CDCA7: variants seen among roughly 807,000 people sequenced by gnomAD.
CDCA7 encodes cell division cycle-associated protein 7.
A neutral mutation model predicts 54.0 loss-of-function variants in CDCA7; 28 were observed. That is an observed-to-expected ratio of 0.52 (90% CI 0.38 to 0.71). The LOEUF (loss-of-function observed/expected upper bound fraction) is 0.71, where lower values mean the gene tolerates loss of function less well. Among genes scored for constraint, CDCA7 ranks in the 30% least tolerant of loss-of-function variants. CDCA7 has a pLI of 0.00. For missense variants in CDCA7, 484 were observed against 586.0 expected (o/e 0.83, Z 1.80); for synonymous variants, 180 against 208.2 (o/e 0.86, Z 1.16).
intron 5 of CDCA7, 134 bp downstream of exon 5, chr2:173,364,029 C>T: frequency 1.4e-6 from 1 of 732,580 alleles, no homozygotes; most frequent in South Asian, 1.9e-5. Context: ...AGGAAACCCC[C>T]TGACAGATCT....
intron 6 of CDCA7, among the ~76,000 whole-genome samples, chr2:173,365,245 TG>T (rs796296598): frequency 3.9e-5 from 6 of 152,326 alleles, no homozygotes; most frequent in African/African-American, 1.4e-4. Context: ...AGTAAGCGTA[TG>T]GCCTGTTCCC....
chr2:173,359,377 ATT>A lies in CDCA7; in HGVS notation c.274_275del (p.Leu92ThrfsTer9). 6.2e-7 allele frequency: 1 copy of A among 1,614,078 alleles called. No individual in the cohort carries two copies. Among genetic ancestry groups the A allele is most frequent in the Non-Finnish European group, 8.5e-7 (1 of 1,180,028 alleles). On this transcript the variant is annotated frameshift_variant, in exon 3 of 10. Transcript: ENST00000306721. LOFTEE classifies it high-confidence loss of function. Reference protein sequence around the residue: ...EVQDVLDHCGFLQKPRPDVTN... With the variant: ...EVQDVLDHCGXLQKPRPDVTN... ...TGCAAGATGTATTAGACCATTGTGG[ATT>A]TTTACAGAAACCAAGGCCAGATGTC...
In CDCA7 at chr2:173,368,672, C is replaced by T. The variant is rs1367087823; in HGVS notation, c.*1008C>T. On this transcript the variant is annotated 3_prime_UTR_variant, in exon 10 of 10. Transcript: ENST00000306721. ...CCTGACATCTCTGCCAGTCTAGTTTCTGGGCAGGTTTCCTGTGTCAGTATT... is the reference window on the plus strand; with the variant it reads ...CCTGACATCTCTGCCAGTCTAGTTTTTGGGCAGGTTTCCTGTGTCAGTATT... 1 of 152,126 alleles carries T rather than the reference C, an allele frequency of 6.6e-6. No individual in the cohort carries two copies. Among genetic ancestry groups the T allele is most frequent in the Non-Finnish European group, 1.5e-5 (1 of 68,032 alleles). 9.4% of individuals were successfully genotyped at this position (152,126 alleles called of 1,614,324 possible).
At chr2:173,364,143 C>G (rs1327435261) in intron 5 of CDCA7, 2 of 376,040 alleles carry the variant, frequency 5.3e-6, no homozygotes, top group Non-Finnish European at 9.4e-6. Flanking sequence ...CCCAGCTAGA[C>G]TAAGCCCCTC....
intron 8 of CDCA7, 116 bp from the exon 9 acceptor site, chr2:173,367,034 A>C: frequency 7.2e-7 from 1 of 1,391,018 alleles, no homozygotes; most frequent in Non-Finnish European, 9.8e-7. Context: ...GGCATGACTA[A>C]TGCCTATTAA....
chr2:173,364,579 G>A lies in CDCA7; in HGVS notation c.700-216G>A, dbSNP rs922966998. The A allele has an allele frequency of 1.1e-5, 5 of 445,230 alleles. No homozygotes were observed. The South Asian group carries it at 1.4e-4, about 12-fold the overall frequency. The allele number at this position is 445,230 out of a possible 1,614,324, so 27.6% of individuals were successfully genotyped here. A position where few individuals can be genotyped will look rare whatever the true frequency, so the allele number is the denominator to read the frequency against. On this transcript the variant is annotated intron_variant, in intron 5 of 9. Coordinates refer to ENST00000306721, the MANE Select transcript of CDCA7 (RefSeq NM_031942.5). ...AAAGAATAAATAGCTCATCTCTCAAGTTGAAAGAAACTGGGCTTGGTATTA... is the reference window on the plus strand; with the variant it reads ...AAAGAATAAATAGCTCATCTCTCAAATTGAAAGAAACTGGGCTTGGTATTA...
In CDCA7 at chr2:173,365,186, ATC is replaced by A. The variant is rs373671271; in HGVS notation, c.894+201_894+202del. Among the ~76,000 whole-genome samples, 459 of 152,316 alleles carry A rather than the reference ATC, an allele frequency of 3.0e-3. 5 individuals carry two copies. The highest frequency in any genetic ancestry group is 0.01 in the African/African-American group (424 of 41,570). On this transcript the variant is annotated intron_variant, in intron 6 of 9. Transcript: ENST00000306721. Reference sequence around the variant, plus strand: ...AGCAGGCGAGAATTGGGTTTTCTTCATCTCTTCTTAATTGTAGGCATCGTTTC... The same window carrying A: ...AGCAGGCGAGAATTGGGTTTTCTTCATCTTCTTAATTGTAGGCATCGTTTC...
rs1686749651 is a variant in CDCA7 at position 173,367,694 on chromosome 2, C to G, written c.*30C>G. 1.2e-6 allele frequency: 2 copies of G among 1,612,046 alleles called. No individual in the cohort carries two copies. Among genetic ancestry groups the G allele is most frequent in the African/African-American group, 2.7e-5 (2 of 75,002 alleles). Reference sequence around the variant, plus strand: ...TGGAAAATTTGCTGCCTGCCTTCTACTTCTCAAATCTTTCTTGTAAAAGTT... The same window carrying G: ...TGGAAAATTTGCTGCCTGCCTTCTAGTTCTCAAATCTTTCTTGTAAAAGTT... On this transcript the variant is annotated 3_prime_UTR_variant, in exon 10 of 10. Transcript: ENST00000306721.
chr2:173,365,527 A>G lies in CDCA7; in HGVS notation c.970A>G (p.Ile324Val). The G allele has an allele frequency of 6.2e-7, 1 of 1,614,222 alleles. No homozygotes were observed. The highest frequency in any genetic ancestry group is 1.3e-5 in the African/African-American group (1 of 75,062). The change falls in exon 7 of 10, where the codon ATT (isoleucine) becomes GTT (valine). Residue 324 changes from isoleucine (I) to valine (V), a missense_variant. Physicochemically the swap from Ile to Val is conservative, Grantham distance 29 (BLOSUM62 3). Transcript: ENST00000306721. The part of the protein sequence containing the change: ...LPHIIRPVEE[I>V]TEEELENVCS... Reference sequence around the variant, plus strand: ...GCATATAATTCGCCCAGTGGAAGAAATTACAGAGGAGGAGTTGGAGAACGT... The same window carrying G: ...GCATATAATTCGCCCAGTGGAAGAAGTTACAGAGGAGGAGTTGGAGAACGT...
At chr2:173,365,678 A>G (rs1184574847) in intron 7 of CDCA7, 86 bp downstream of exon 7, 4 of 1,433,972 alleles carry the variant, frequency 2.8e-6, no homozygotes, top group Non-Finnish European at 3.8e-6. Context: ...CAGGTTCTAA[A>G]GGGCCTAGCA....
chr2:173,364,569 C>A, intron 5 of CDCA7: 1 of 424,288 alleles, frequency 2.4e-6, no homozygotes, highest in Non-Finnish European at 3.9e-6. Context: ...ATAAATAGCT[C>A]ATCTCTCAAG....
intron 9 of CDCA7, 65 bp from the exon 10 acceptor site, chr2:173,367,569 G>T (rs943229110): frequency 1.3e-6 from 2 of 1,576,436 alleles, no homozygotes; most frequent in African/African-American, 1.4e-5. Flanking sequence ...AATGAATTAG[G>T]CTTTCAAAAG....
chr2:173,365,345 C>T, intron 6 of CDCA7, 107 bp from the exon 7 acceptor site: 1 of 1,252,256 alleles, frequency 8.0e-7, no homozygotes, highest in Admixed American at 2.4e-5. Context: ...CTGGGGAGAG[C>T]CAGTTTTGAA....
Position 173,367,801 on chromosome 2 carries a change from G to A in CDCA7, c.*137G>A. 1 of 936,148 alleles carries A rather than the reference G, an allele frequency of 1.1e-6. No homozygotes were observed. Among genetic ancestry groups the A allele is most frequent in the Non-Finnish European group, 1.7e-6 (1 of 578,940 alleles). 58.0% of individuals were successfully genotyped at this position (936,148 alleles called of 1,614,324 possible). A position where few individuals can be genotyped will look rare whatever the true frequency, so the allele number is the denominator to read the frequency against. ...AGAAACTCCAATCAAGTTAATCTTA[G>A]CAGACATGTGTTTCTGGAGCATCAC... On this transcript the variant is annotated 3_prime_UTR_variant, in exon 10 of 10. Transcript: ENST00000306721.
In CDCA7 at chr2:173,365,512, C is replaced by T. The variant is rs775525324; in HGVS notation, c.955C>T (p.Arg319Cys). Residue 319 changes from arginine to cysteine, a missense_variant, in exon 7 of 10, where the codon CGC becomes TGC. This residue lies in a region of CDCA7 where 398 missense variants were observed against 447.4 expected (regional missense o/e 0.89). Transcript: ENST00000306721. ...ATCCGTGACCCTTCCGCATATAATTCGCCCAGTGGAAGAAATTACAGAGGA... is the reference window on the plus strand; with the variant it reads ...ATCCGTGACCCTTCCGCATATAATTTGCCCAGTGGAAGAAATTACAGAGGA... ...RSSVTLPHIIRPVEEITEEEL... is the reference protein window; with the variant it reads ...RSSVTLPHIICPVEEITEEEL... 2.8e-5 allele frequency: 45 copies of T among 1,614,024 alleles called. No homozygotes were observed. The Admixed American group carries it at 6.5e-4, about 23-fold the overall frequency.
rs748039695 is a variant in CDCA7, at chr2:173,366,372, C to T, written c.1125C>T (p.Phe375=). ...NPDCWGVRGQ[F]CGPCLRNRYG... is the part of the protein sequence containing the mutation. ...ACTGCTGGGGCGTTCGAGGCCAGTT[C>T]TGTGGCCCCTGCCTTCGAAACCGTT... The change falls in exon 8 of 10, where the codon TTC becomes TTT. Residue 375 remains phenylalanine (F), a synonymous_variant. Coordinates refer to ENST00000306721, the MANE Select transcript of CDCA7 (RefSeq NM_031942.5). The surrounding 1 kb of genome is among the most constrained non-coding windows in gnomAD (Gnocchi z 4.5). 5.6e-6 allele frequency: 9 copies of T among 1,614,110 alleles called. No homozygotes were observed. The highest frequency in any genetic ancestry group is 1.3e-5 in the African/African-American group (1 of 75,008).
At chr2:173,363,779 C>A in intron 4 of CDCA7, 39 bp from the exon 5 acceptor site, 1 of 1,590,452 alleles carries the variant, frequency 6.3e-7, no homozygotes, top group Admixed American at 1.7e-5. Context: ...GACAGTTATT[C>A]TAAGCCAATG....
At chr2:173,361,207 G>A (rs1275362307) in intron 3 of CDCA7, among the ~76,000 whole-genome samples, 1 of 152,120 alleles carries the variant, frequency 6.6e-6, no homozygotes, top group Non-Finnish European at 1.5e-5. Flanking sequence ...GGATAAGTGG[G>A]TTGTTTGCAC....
At position 173,365,513 on chromosome 2, in the gene CDCA7, G is replaced by C; in HGVS notation, c.956G>C (p.Arg319Pro). 1 of 1,614,088 alleles carries C rather than the reference G, an allele frequency of 6.2e-7. No individual in the cohort carries two copies. Among genetic ancestry groups the C allele is most frequent in the Non-Finnish European group, 8.5e-7 (1 of 1,180,018 alleles). The change falls in exon 7 of 10, where the codon CGC (arginine) becomes CCC (proline). Residue 319 changes from arginine to proline, a missense_variant. Coordinates refer to ENST00000306721, the MANE Select transcript of CDCA7 (RefSeq NM_031942.5). Reference sequence around the variant, plus strand: ...TCCGTGACCCTTCCGCATATAATTCGCCCAGTGGAAGAAATTACAGAGGAG... The same window carrying C: ...TCCGTGACCCTTCCGCATATAATTCCCCCAGTGGAAGAAATTACAGAGGAG... ...RSSVTLPHIIRPVEEITEEEL... is the reference protein window; with the variant it reads ...RSSVTLPHIIPPVEEITEEEL...
Sources: gnomAD v4.1 joint callset for allele counts (sites outside exome capture counted in the v4.1 genomes callset) on GRCh38, gnomAD v4.1.1 for gene constraint, gnomAD v4.1.1 regional missense constraint, Gnocchi (gnomAD v3.1) non-coding constraint, MANE v1.5 for transcripts, NCBI Gene and HGNC (gene_info 2026-07-23, HGNC 2026-07-21) for gene names.